Variants in CABCOCO1 observed in about 807,000 individuals in gnomAD.
CABCOCO1 encodes ciliary associated calcium binding coiled-coil 1.
A neutral mutation model predicts 35.7 loss-of-function variants in CABCOCO1; 28 were observed. The ratio of observed to expected loss-of-function variants is 0.78; its 90% CI spans 0.58 to 1.07. CABCOCO1 has a LOEUF of 1.07. CABCOCO1 is among the 50% of genes least tolerant of loss of function. CABCOCO1 has a pLI of 0.00. For synonymous variants in CABCOCO1, 95 were observed against 100.1 expected, an observed-to-expected ratio of 0.95 and a Z score of 0.30; for missense variants, 326 against 309.2, an observed-to-expected ratio of 1.05 and a Z score of -0.41.
Position 61,760,070 on chromosome 10 carries a change from G to T in CABCOCO1, c.564G>T (p.Glu188Asp), listed in dbSNP as rs769194811. ...EIVIGTEQVI[E>D]VVKSACGPFP... ...TTTCTTCCCATCAGCAAGTGATAGA[G>T]GTTGTCAAGTCTGCATGTGGCCCTT... Residue 188 changes from glutamate to aspartate, a missense_variant, in exon 6 of 8, where the codon GAG becomes GAT. Physicochemically the swap from Glu to Asp is conservative, Grantham distance 45 (BLOSUM62 2). Coordinates refer to ENST00000648843, the MANE Select transcript of CABCOCO1 (RefSeq NM_001366906.2). The T allele has an allele frequency of 1.2e-6, 2 of 1,612,786 alleles. No homozygotes were observed. The highest frequency in any genetic ancestry group is 3.3e-5 in the Admixed American group (2 of 59,840).
chr10:61,712,236 A>T (rs540825269), intron 5 of CABCOCO1, among the ~76,000 whole-genome samples: 1 of 152,196 alleles, frequency 6.6e-6, no homozygotes, highest in African/African-American at 2.4e-5. Context: ...CGTGGTTTTG[A>T]TTTGCATTTC....
At chr10:61,680,368 A>T (rs1171395581) in intron 2 of CABCOCO1, among the ~76,000 whole-genome samples, 2 of 135,970 alleles carry the variant, frequency 1.5e-5, no homozygotes, top group African/African-American at 5.8e-5. Context: ...ATATATATTT[A>T]TATACATATA....
At chr10:61,739,896 C>T (rs944185473) in intron 5 of CABCOCO1, among the ~76,000 whole-genome samples, 2 of 152,042 alleles carry the variant, frequency 1.3e-5, no homozygotes, top group Admixed American at 6.6e-5. Context: ...GAGCAGAGAT[C>T]GCACCACTGC....
At chr10:61,746,975 T>A (rs934915818) in intron 5 of CABCOCO1, among the ~76,000 whole-genome samples, 2 of 152,180 alleles carry the variant, frequency 1.3e-5, no homozygotes, top group African/African-American at 4.8e-5. Context: ...GTAATCTTTA[T>A]AAGGTAGTTC....
chr10:61,746,491 G>A (rs1463851525), intron 5 of CABCOCO1, among the ~76,000 whole-genome samples: 1 of 152,078 alleles, frequency 6.6e-6, no homozygotes, highest in Non-Finnish European at 1.5e-5. Context: ...GCTGGTGCTT[G>A]GTCTGCAGAT....
intron 3 of CABCOCO1, among the ~76,000 whole-genome samples, chr10:61,683,575 T>A (rs1427163609): frequency 2.6e-5 from 4 of 151,940 alleles, no homozygotes; most frequent in Admixed American, 1.3e-4. Flanking sequence ...AATAAATAAA[T>A]AAAAAGAGAC....
rs1043797018 is a variant in CABCOCO1 at position 61,760,799 on chromosome 10, G to T, written c.676-64G>T. The stretch of plus-strand genomic sequence containing the variant: ...ATATATTTAAAACAAGAAGTTTTAG[G>T]TTCCATATAAATCACCGAATGCTCT... On this transcript the variant is annotated intron_variant, in intron 6 of 7. Coordinates refer to ENST00000648843, the MANE Select transcript of CABCOCO1 (RefSeq NM_001366906.2). 10 of 1,508,462 alleles carry T rather than the reference G, an allele frequency of 6.6e-6. No individual in the cohort carries two copies. In the East Asian group the frequency reaches 1.6e-4, roughly 24 times the overall value. The allele number at this position is 1,508,462 out of a possible 1,614,324, so 93.4% of individuals were successfully genotyped here. A position where few individuals can be genotyped will look rare whatever the true frequency, so the allele number is the denominator to read the frequency against.
chr10:61,663,494 TC>T (rs1482946309), intron 1 of CABCOCO1, among the ~76,000 whole-genome samples: 1 of 152,168 alleles, frequency 6.6e-6, no homozygotes, highest in Non-Finnish European at 1.5e-5. Flanking sequence ...TCAAAAGGTG[TC>T]ATGAAATAAT....
chr10:61,757,694 C>CACAG (rs1171841492), intron 5 of CABCOCO1, among the ~76,000 whole-genome samples: 1 of 80,750 alleles, frequency 1.2e-5, no homozygotes, highest in African/African-American at 4.8e-5. Flanking sequence ...TACACACACA[C>CACAG]ACACAGACAC....
At chr10:61,672,252 T>G (rs891970580) in intron 1 of CABCOCO1, among the ~76,000 whole-genome samples, 9 of 152,198 alleles carry the variant, frequency 5.9e-5, no homozygotes, top group African/African-American at 2.2e-4. Flanking sequence ...GTTCTTTTCT[T>G]CTTTTAACAT....
intron 7 of CABCOCO1, among the ~76,000 whole-genome samples, chr10:61,761,369 C>T (rs1210684521): frequency 6.6e-6 from 1 of 152,044 alleles, no homozygotes; most frequent in Non-Finnish European, 1.5e-5. Context: ...TCAGCTAAGT[C>T]TTCTCACCAA....
At chr10:61,754,260 C>CTAAA (rs1841851445) in intron 5 of CABCOCO1, among the ~76,000 whole-genome samples, 2 of 152,080 alleles carry the variant, frequency 1.3e-5, no homozygotes, top group African/African-American at 2.4e-5. Flanking sequence ...AGAGCCAAGT[C>CTAAA]TAAAGCCTAT....
At chr10:61,673,131 T>C (rs1839410094) in intron 2 of CABCOCO1, among the ~76,000 whole-genome samples, 1 of 152,206 alleles carries the variant, frequency 6.6e-6, no homozygotes, top group Non-Finnish European at 1.5e-5. Context: ...TGCATTTTAT[T>C]ATTTTGGAAA....
At chr10:61,736,538 C>T (rs1841419967) in intron 5 of CABCOCO1, among the ~76,000 whole-genome samples, 1 of 152,078 alleles carries the variant, frequency 6.6e-6, no homozygotes. Context: ...GTTTTGGTTG[C>T]TGTAGCTATG....
chr10:61,751,979 G>A (rs764736863), intron 5 of CABCOCO1, among the ~76,000 whole-genome samples: 3 of 152,114 alleles, frequency 2.0e-5, no homozygotes, highest in Non-Finnish European at 2.9e-5. Context: ...AGTATGATTC[G>A]CAGACTGTAG....
At chr10:61,701,028 T>C (rs1163998085) in intron 5 of CABCOCO1, among the ~76,000 whole-genome samples, 1 of 152,020 alleles carries the variant, frequency 6.6e-6, no homozygotes, top group Admixed American at 6.6e-5. Flanking sequence ...ATCAAATTGT[T>C]AGCAGTAGTC....
intron 5 of CABCOCO1, among the ~76,000 whole-genome samples, chr10:61,706,608 G>A (rs1210706189): frequency 6.6e-6 from 1 of 152,062 alleles, no homozygotes; most frequent in Non-Finnish European, 1.5e-5. Flanking sequence ...CCCGCTGCTT[G>A]GATATCTTGT....
intron 5 of CABCOCO1, among the ~76,000 whole-genome samples, chr10:61,725,228 A>G (rs2132046440): frequency 6.6e-6 from 1 of 152,300 alleles, no homozygotes; most frequent in East Asian, 1.9e-4. Context: ...AGAACCAGAA[A>G]TACCATTTTA....
At chr10:61,756,000 C>T (rs1564557432) in intron 5 of CABCOCO1, among the ~76,000 whole-genome samples, 1 of 151,896 alleles carries the variant, frequency 6.6e-6, no homozygotes, top group Non-Finnish European at 1.5e-5. Context: ...TGGCGGATGT[C>T]CATTTCATCT....
Sources: gnomAD v4.1 joint callset for allele counts (sites outside exome capture counted in the v4.1 genomes callset) on GRCh38, gnomAD v4.1.1 for gene constraint, MANE v1.5 for transcripts, NCBI Gene and HGNC (gene_info 2026-07-23, HGNC 2026-07-21) for gene names.